FMN1: variants seen among roughly 807,000 people sequenced by gnomAD.
The protein encoded by FMN1 is formin-1.
In FMN1, 110 loss-of-function variants were observed where a neutral mutation model predicts 132.4. That is an observed-to-expected ratio of 0.83 (90% confidence interval 0.71 to 0.97). The LOEUF (loss-of-function observed/expected upper bound fraction) is 0.97. FMN1 is among the 50% of genes least tolerant of loss of function. The pLI is 0.00. For synonymous variants in FMN1, 722 were observed against 651.7 expected (o/e 1.11, Z -1.64); for missense variants, 1,792 against 1,705.3 (o/e 1.05, Z -0.90).
At chr15:33,095,714 T>C (rs947520833) in intron 4 of FMN1, among the ~76,000 whole-genome samples, 7 of 152,136 alleles carry the variant, frequency 4.6e-5, no homozygotes, top group Non-Finnish European at 8.8e-5. Context: ...AAAAAAGTCA[T>C]ATGGCATTCA....
chr15:32,953,940 T>C (rs942415705), intron 9 of FMN1, among the ~76,000 whole-genome samples: 3 of 152,234 alleles, frequency 2.0e-5, no homozygotes, highest in Non-Finnish European at 4.4e-5. Flanking sequence ...AGTTTAAAAA[T>C]GTATGTGGGA....
chr15:32,944,231 C>T (rs2061457685), intron 9 of FMN1, among the ~76,000 whole-genome samples: 2 of 152,224 alleles, frequency 1.3e-5, no homozygotes, highest in Admixed American at 1.3e-4. Flanking sequence ...GATTCAGTTT[C>T]CTTGGTCCCC....
chr15:33,154,407 C>T lies in FMN1; in HGVS notation c.508G>A (p.Gly170Arg). 6.5e-7 allele frequency: 1 copy of T among 1,536,146 alleles called. No individual in the cohort carries two copies. Among genetic ancestry groups the T allele is most frequent in the Non-Finnish European group, 8.7e-7 (1 of 1,146,916 alleles). Residue 170 changes from glycine to arginine, a missense_variant, in exon 4 of 21, where the codon GGG (glycine) becomes AGG (arginine). This residue lies in a region of FMN1 where 638 missense variants were observed against 645.2 expected (regional missense o/e 0.99). Coordinates refer to ENST00000616417, the MANE Select transcript of FMN1 (RefSeq NM_001277313.2). Reference protein sequence around the residue: ...RRSSGRRESFGALPQKRTKRK... With the variant: ...RRSSGRRESFRALPQKRTKRK... The stretch of plus-strand genomic sequence containing the variant: ...TTGGTCCTCTTCTGTGGAAGGGCCC[C>T]AAAGCTCTCTCTCCTTCCACTAGAC...
At chr15:32,932,414 G>A (rs942137248) in intron 9 of FMN1, among the ~76,000 whole-genome samples, 1 of 152,156 alleles carries the variant, frequency 6.6e-6, no homozygotes, top group Non-Finnish European at 1.5e-5. Context: ...CTAGTACTTT[G>A]TTGAGAATTT....
chr15:32,866,253 T>C (rs181542292), intron 16 of FMN1, among the ~76,000 whole-genome samples: 144 of 151,158 alleles, frequency 9.5e-4, no homozygotes, highest in African/African-American at 3.3e-3. Flanking sequence ...AGAAAAAAAA[T>C]TTCCCCTTTG....
intron 11 of FMN1, 25 bp from the exon 12 acceptor site, chr15:32,908,603 C>CAAAA (rs71424680): frequency 4.7e-4 from 281 of 601,746 alleles, no homozygotes; most frequent in Admixed American, 1.2e-3. Context: ...AAAACAAAAC[C>CAAAA]AAAAAAAAAA....
chr15:33,146,269 T>C (rs911395314), intron 4 of FMN1, among the ~76,000 whole-genome samples: 3 of 152,164 alleles, frequency 2.0e-5, no homozygotes, highest in Non-Finnish European at 2.9e-5. Context: ...GATGATAAAG[T>C]TCTTTCATTT....
chr15:33,047,322 T>C (rs2036734712), intron 6 of FMN1, among the ~76,000 whole-genome samples: 1 of 152,240 alleles, frequency 6.6e-6, no homozygotes, highest in African/African-American at 2.4e-5. Flanking sequence ...AGTCATAACC[T>C]TAGTTCAGGC....
intron 9 of FMN1, among the ~76,000 whole-genome samples, chr15:32,955,619 G>A (rs1015861200): frequency 3.3e-5 from 5 of 152,138 alleles, no homozygotes; most frequent in African/African-American, 2.4e-5. Flanking sequence ...AAATATAGGC[G>A]AGACTTCAAA....
In FMN1 at chr15:33,190,896, C is replaced by T. The variant is rs150188174; in HGVS notation, c.-197+3013G>A. ...CGTTAAAAAGTCCTGGCTGGCCGGA[C>T]GTGGTAACTCACGCCTGTAATCCCA... is the stretch of plus-strand genomic sequence containing the variant. On this transcript the variant is annotated intron_variant, in intron 2 of 20. Coordinates refer to ENST00000616417, the MANE Select transcript of FMN1 (RefSeq NM_001277313.2). Among the ~76,000 whole-genome samples, 1,051 of 152,200 alleles carry T rather than the reference C, an allele frequency of 6.9e-3. 9 individuals carry two copies. The highest frequency in any genetic ancestry group is 0.024 in the African/African-American group (983 of 41,522).
intron 4 of FMN1, among the ~76,000 whole-genome samples, chr15:33,133,804 T>C (rs778559937): frequency 1.3e-5 from 2 of 152,200 alleles, no homozygotes; most frequent in Non-Finnish European, 2.9e-5. Context: ...CAATTAGGTG[T>C]GCCGACTTCC....
At chr15:32,997,917 A>G (rs905271032) in intron 7 of FMN1, among the ~76,000 whole-genome samples, 5 of 152,188 alleles carry the variant, frequency 3.3e-5, no homozygotes, top group African/African-American at 1.2e-4. Context: ...ATAAATATCT[A>G]AAAGCTCAAG....
chr15:33,115,440 G>T (rs2039881954), intron 4 of FMN1, among the ~76,000 whole-genome samples: 1 of 151,970 alleles, frequency 6.6e-6, no homozygotes, highest in African/African-American at 2.4e-5. Context: ...CAAGGCTCAG[G>T]TTGAGGTCCT....
rs371675589 is a variant in FMN1, at chr15:33,128,685, T to C, written c.1867+24363A>G. On this transcript the variant is annotated intron_variant, in intron 4 of 20. Transcript: ENST00000616417. ...CCGGTGAGTTTGTAGTCTCACTGAC[T>C]TCACGAATAAACCCGCGGACCCTCA... 7.2e-5 allele frequency among the ~76,000 whole-genome samples: 11 copies of C among 152,334 alleles called. No individual in the cohort carries two copies. In the East Asian group the frequency reaches 7.7e-4, roughly 11 times the overall value.
At chr15:32,923,287 T>C (rs2060878562) in intron 10 of FMN1, among the ~76,000 whole-genome samples, 1 of 152,222 alleles carries the variant, frequency 6.6e-6, no homozygotes, top group South Asian at 2.1e-4. Context: ...CAGGGAGTCC[T>C]TTCACCAGGG....
rs2038797319 is a variant in FMN1, at chr15:33,088,795, T to C, written c.2043+4A>G. The C allele has an allele frequency of 6.5e-7, 1 of 1,534,350 alleles. No homozygotes were observed. Among genetic ancestry groups the C allele is most frequent in the Non-Finnish European group, 8.7e-7 (1 of 1,146,042 alleles). The stretch of plus-strand genomic sequence containing the variant: ...ACAGCACAATCACCAAGATTTCTAC[T>C]TACATGGAGATCCAAGTACAATTCG... On this transcript the variant is annotated splice_donor_region_variant and intron_variant, in intron 5 of 20. Coordinates refer to ENST00000616417, the MANE Select transcript of FMN1 (RefSeq NM_001277313.2).
At chr15:33,082,049 G>A (rs1012233734) in intron 5 of FMN1, among the ~76,000 whole-genome samples, 1 of 134,660 alleles carries the variant, frequency 7.4e-6, no homozygotes, top group Non-Finnish European at 1.7e-5. Flanking sequence ...GTGTGTGTGT[G>A]TGTGTAAGAC....
chr15:32,881,890 C>A (rs892833566), intron 16 of FMN1, among the ~76,000 whole-genome samples: 2 of 152,186 alleles, frequency 1.3e-5, no homozygotes, highest in Non-Finnish European at 2.9e-5. Flanking sequence ...GATAACAAAA[C>A]CTTGCAGGTT....
chr15:33,099,770 A>G (rs1259380928), intron 4 of FMN1, among the ~76,000 whole-genome samples: 3 of 152,208 alleles, frequency 2.0e-5, no homozygotes, highest in East Asian at 1.9e-4. Flanking sequence ...TCTAAAAGTC[A>G]TCTAGTTTTC....
Sources: gnomAD v4.1 joint callset for allele counts (sites outside exome capture counted in the v4.1 genomes callset) on GRCh38, gnomAD v4.1.1 for gene constraint, gnomAD v4.1.1 regional missense constraint, MANE v1.5 for transcripts, NCBI Gene and HGNC (gene_info 2026-07-23, HGNC 2026-07-21) for gene names.